B3GALT1: variants seen among roughly 807,000 people sequenced by gnomAD.
The protein encoded by B3GALT1 is beta-1,3-galactosyltransferase 1.
B3GALT1 carries 10 observed loss-of-function variants against 23.2 expected under a neutral mutation model. The ratio of observed to expected loss-of-function variants is 0.43; its 90% CI spans 0.27 to 0.73. The LOEUF is 0.73. Among genes scored for constraint, B3GALT1 ranks in the 30% least tolerant of loss-of-function variants. The pLI, the probability that B3GALT1 is intolerant of heterozygous loss-of-function variation, is 0.21. For synonymous variants in B3GALT1, 156 were observed against 141.5 expected, an observed-to-expected ratio of 1.10 and a Z score of -0.73; for missense variants, 299 against 405.4, an observed-to-expected ratio of 0.74 and a Z score of 2.25.
intron 1 of B3GALT1, among the ~76,000 whole-genome samples, chr2:167,439,587 G>T (rs1446053083): frequency 1.3e-5 from 2 of 151,448 alleles, no homozygotes; most frequent in Admixed American, 6.6e-5. Context: ...AAGTTTTAGG[G>T]TACATGTGCA....
chr2:167,684,697 A>G (rs916678828), intron 3 of B3GALT1, among the ~76,000 whole-genome samples: 2 of 152,196 alleles, frequency 1.3e-5, no homozygotes, highest in African/African-American at 4.8e-5. Context: ...GCCACATAGC[A>G]TTTTTCCTCT....
At chr2:167,307,163 TAACTA>T (rs1285372752) in intron 1 of B3GALT1, among the ~76,000 whole-genome samples, 1 of 151,956 alleles carries the variant, frequency 6.6e-6, no homozygotes, top group Non-Finnish European at 1.5e-5. Context: ...AAAGAGCAAA[TAACTA>T]AAATATAGTG....
intron 1 of B3GALT1, among the ~76,000 whole-genome samples, chr2:167,421,636 G>A (rs1011391603): frequency 1.3e-5 from 2 of 152,166 alleles, no homozygotes; most frequent in African/African-American, 4.8e-5. Flanking sequence ...CACTCTTCCA[G>A]TCTCATTATT....
chr2:167,384,337 T>C (rs1051294109), intron 1 of B3GALT1, among the ~76,000 whole-genome samples: 6 of 152,194 alleles, frequency 3.9e-5, no homozygotes, highest in Non-Finnish European at 8.8e-5. Flanking sequence ...TAAACCTTGT[T>C]TACTGACACA....
intron 3 of B3GALT1, among the ~76,000 whole-genome samples, chr2:167,716,880 A>G (rs975869771): frequency 6.6e-6 from 1 of 152,224 alleles, no homozygotes; most frequent in African/African-American, 2.4e-5. Flanking sequence ...ATTCCTTTAT[A>G]TATACATTAT....
chr2:167,631,769 C>CTTTTTTTTTTTTTT (rs558837779), intron 2 of B3GALT1, among the ~76,000 whole-genome samples: 2 of 120,596 alleles, frequency 1.7e-5, no homozygotes, highest in African/African-American at 6.3e-5. Context: ...CTTTTCTTTT[C>CTTTTTTTTTTTTTT]TTTTTTTTTT....
intron 1 of B3GALT1, among the ~76,000 whole-genome samples, chr2:167,451,944 G>A (rs371435946): frequency 4.1e-4 from 63 of 152,078 alleles, no homozygotes; most frequent in Admixed American, 3.1e-3. Flanking sequence ...TTGCTGTGTC[G>A]TGCAGGCTGC....
intron 1 of B3GALT1, among the ~76,000 whole-genome samples, chr2:167,432,597 TGAG>T (rs1698722177): frequency 1.3e-5 from 2 of 152,102 alleles, no homozygotes; most frequent in Non-Finnish European, 2.9e-5. Flanking sequence ...AAGTAGAAAA[TGAG>T]GAAGCCTACA....
chr2:167,715,182 C>G, intron 3 of B3GALT1: 1 of 1,613,952 alleles, frequency 6.2e-7, no homozygotes, highest in South Asian at 1.1e-5. Context: ...TGACTGTTCA[C>G]TTCTAATTCC....
chr2:167,532,201 A>T (rs562117416), intron 2 of B3GALT1, among the ~76,000 whole-genome samples: 1 of 152,274 alleles, frequency 6.6e-6, no homozygotes, highest in South Asian at 2.1e-4. Flanking sequence ...GGATGCTAGC[A>T]TATGAATTTT....
intron 3 of B3GALT1, among the ~76,000 whole-genome samples, chr2:167,659,886 T>C (rs1686025749): frequency 6.6e-6 from 1 of 152,058 alleles, no homozygotes; most frequent in African/African-American, 2.4e-5. Flanking sequence ...GAGTACCAGC[T>C]GCCTGTCACT....
intron 3 of B3GALT1, among the ~76,000 whole-genome samples, chr2:167,774,927 C>A (rs1326589088): frequency 6.6e-6 from 1 of 152,150 alleles, no homozygotes; most frequent in African/African-American, 2.4e-5. Context: ...AGGATATTAT[C>A]ATTTGCCTAT....
intron 1 of B3GALT1, among the ~76,000 whole-genome samples, chr2:167,307,600 G>A (rs1269265228): frequency 2.0e-5 from 3 of 152,028 alleles, no homozygotes; most frequent in African/African-American, 4.8e-5. Context: ...AAGGACTTGC[G>A]TCTGCCCCAG....
Position 167,869,588 on chromosome 2 carries a change from C to T in B3GALT1, c.549C>T (p.Asn183=), listed in dbSNP as rs1419777064. ...AAACAGACAGCGACATTTTTGTAAA[C>T]ATGGACAATCTTATTTATAAATTAC... ...VMKTDSDIFV[N]MDNLIYKLLK... Residue 183 remains asparagine (N), a synonymous_variant, in exon 5 of 5, where the codon AAC becomes AAT. Transcript: ENST00000392690. The surrounding 1 kb of genome is among the most constrained non-coding windows in gnomAD (Gnocchi z 6.4). 1.2e-6 allele frequency: 2 copies of T among 1,614,114 alleles called. No individual in the cohort carries two copies. The highest frequency in any genetic ancestry group is 8.5e-7 in the Non-Finnish European group (1 of 1,180,012).
chr2:167,477,886 A>G (rs1699508415), intron 1 of B3GALT1, among the ~76,000 whole-genome samples: 1 of 152,210 alleles, frequency 6.6e-6, no homozygotes, highest in Non-Finnish European at 1.5e-5. Flanking sequence ...AAACAACAAA[A>G]ACACATTTTG....
At chr2:167,355,246 G>A (rs1697381702) in intron 1 of B3GALT1, among the ~76,000 whole-genome samples, 1 of 152,178 alleles carries the variant, frequency 6.6e-6, no homozygotes, top group African/African-American at 2.4e-5. Context: ...CCAGACTTCT[G>A]ATGGCTCTGA....
At chr2:167,671,793 A>G (rs1427189594) in intron 3 of B3GALT1, among the ~76,000 whole-genome samples, 6 of 152,078 alleles carry the variant, frequency 3.9e-5, no homozygotes, top group African/African-American at 1.4e-4. Flanking sequence ...TAAAGATTAA[A>G]GCAAAAATAA....
chr2:167,594,540 G>GT (rs1330376638), intron 2 of B3GALT1, among the ~76,000 whole-genome samples: 1 of 152,034 alleles, frequency 6.6e-6, no homozygotes, highest in Non-Finnish European at 1.5e-5. Context: ...TTTCCAGAGT[G>GT]TTTTTTTAAA....
intron 1 of B3GALT1, among the ~76,000 whole-genome samples, chr2:167,413,815 AC>A (rs1404956642): frequency 6.6e-6 from 1 of 151,854 alleles, no homozygotes; most frequent in African/African-American, 2.4e-5. Flanking sequence ...AAGTTTCTAT[AC>A]TATCATTTTG....
Sources: gnomAD v4.1 joint callset for allele counts (sites outside exome capture counted in the v4.1 genomes callset) on GRCh38, gnomAD v4.1.1 for gene constraint, Gnocchi (gnomAD v3.1) non-coding constraint, MANE v1.5 for transcripts, NCBI Gene and HGNC (gene_info 2026-07-23, HGNC 2026-07-21) for gene names.